The following AHRR variants were observed in gnomAD, a reference collection of about 807,000 sequenced individuals.
AHRR encodes the protein ahR repressor.
Under a neutral mutation model 44.0 loss-of-function variants are expected in AHRR, and 28 were observed. The observed-to-expected ratio is 0.64, with a 90% CI of 0.47 to 0.87. The LOEUF is 0.87. Ranked by LOEUF, AHRR falls within the 40% of genes least tolerant of loss-of-function variation. The pLI is 0.00. For missense variants in AHRR, 990 were observed against 953.9 expected, an observed-to-expected ratio of 1.04 and a Z score of -0.50; for synonymous variants, 434 against 407.0, an observed-to-expected ratio of 1.07 and a Z score of -0.80.
At chr5:364,030 T>G (rs1319946006) in intron 3 of AHRR, among the ~76,000 whole-genome samples, 2 of 152,236 alleles carry the variant, frequency 1.3e-5, no homozygotes, top group Admixed American at 1.3e-4. Context: ...TAGAGTCTAG[T>G]GGGAGAATAT....
At chr5:364,588 C>T (rs1743291138) in intron 3 of AHRR, among the ~76,000 whole-genome samples, 1 of 151,046 alleles carries the variant, frequency 6.6e-6, no homozygotes, top group African/African-American at 2.4e-5. Context: ...AAAATATAAT[C>T]AATCAAAAGG....
chr5:363,020 C>T (rs1743233408), intron 3 of AHRR, among the ~76,000 whole-genome samples: 2 of 152,258 alleles, frequency 1.3e-5, no homozygotes, highest in African/African-American at 4.8e-5. Flanking sequence ...TGTGGCCCCA[C>T]ACAGGCTGGG....
intron 4 of AHRR, among the ~76,000 whole-genome samples, chr5:386,554 G>T (rs543933519): frequency 6.6e-6 from 1 of 152,226 alleles, no homozygotes; most frequent in African/African-American, 2.4e-5. Flanking sequence ...GGTGTGGAGC[G>T]CAGGCAGCCT....
intron 8 of AHRR, 53 bp from the exon 9 acceptor site, chr5:432,410 A>AT: frequency 6.4e-7 from 1 of 1,551,960 alleles, no homozygotes; most frequent in Non-Finnish European, 8.9e-7. Context: ...TTTCATCCAC[A>AT]TGTCATCTTG....
intron 4 of AHRR, among the ~76,000 whole-genome samples, chr5:393,496 C>G (rs1000244280): frequency 1.2e-4 from 19 of 152,232 alleles, no homozygotes; most frequent in African/African-American, 4.3e-4. Flanking sequence ...CCAGGCTGCA[C>G]GCAGAGCTCC....
rs1197629651 is a variant in AHRR at position 438,057 on chromosome 5, G to T, written c.*3223G>T. The T allele has an allele frequency of 6.6e-6, 1 of 152,320 alleles. No homozygotes were observed. The highest frequency in any genetic ancestry group is 2.4e-5 in the African/African-American group (1 of 41,430). 9.4% of individuals were successfully genotyped at this position (152,320 alleles called of 1,614,324 possible). On this transcript the variant is annotated 3_prime_UTR_variant, in exon 11 of 11. Coordinates refer to ENST00000684583, the MANE Select transcript of AHRR (RefSeq NM_001377236.1). ...TATAAGGTGGGAATGGGATGGAAGG[G>T]AGGAGATCAATACAACTTATATTTT...
chr5:348,448 G>A (rs1401976629), intron 2 of AHRR, among the ~76,000 whole-genome samples: 4 of 151,832 alleles, frequency 2.6e-5, no homozygotes, highest in East Asian at 1.9e-4. Flanking sequence ...GTGTACATCC[G>A]TGAAGCTATC....
intron 3 of AHRR, among the ~76,000 whole-genome samples, chr5:361,724 G>A (rs532726135): frequency 6.6e-6 from 1 of 152,330 alleles, no homozygotes; most frequent in Admixed American, 6.5e-5. Flanking sequence ...GCAATGGGGA[G>A]TTCCATCCCA....
intron 5 of AHRR, chr5:422,491 G>C (rs146285993): frequency 9.2e-6 from 5 of 546,104 alleles, no homozygotes; most frequent in African/African-American, 7.6e-5. Context: ...CCGAAAGGCT[G>C]GATGTGGGCA....
chr5:328,660 T>C (rs1170683646), intron 1 of AHRR, among the ~76,000 whole-genome samples: 1 of 152,208 alleles, frequency 6.6e-6, no homozygotes, highest in African/African-American at 2.4e-5. Context: ...ATATACCTGT[T>C]GGCCATTTGT....
At chr5:353,629 T>G in intron 2 of AHRR, 101 bp from the exon 3 acceptor site, 1 of 1,107,582 alleles carries the variant, frequency 9.0e-7, no homozygotes, top group Non-Finnish European at 1.3e-6. Context: ...GGCAGCAGCG[T>G]AGATGCTCCT....
At chr5:362,859 C>T (rs1366220517) in intron 3 of AHRR, among the ~76,000 whole-genome samples, 1 of 152,234 alleles carries the variant, frequency 6.6e-6, no homozygotes, top group Non-Finnish European at 1.5e-5. Flanking sequence ...AGGAAGCTGA[C>T]CAAGGGTTGA....
At chr5:424,100 C>G in intron 7 of AHRR, 123 bp downstream of exon 7, 2 of 1,308,044 alleles carry the variant, frequency 1.5e-6, no homozygotes, top group South Asian at 1.5e-5. Flanking sequence ...GGTGGAGGGA[C>G]GGGGGCCGGT....
At chr5:348,102 G>A (rs1445174874) in intron 2 of AHRR, among the ~76,000 whole-genome samples, 2 of 152,234 alleles carry the variant, frequency 1.3e-5, no homozygotes, top group Admixed American at 6.5e-5. Context: ...GAAGCCGGGC[G>A]GCCGGCTGGG....
In AHRR at chr5:342,963, A is replaced by C. The variant is rs1404058077; in HGVS notation, c.-10-930A>C. ...TCAGGGCGCTGTGAGCTAGTGACTT[A>C]AGTGGAATCCCAGGACTGTAGAGTG... On this transcript the variant is annotated intron_variant, in intron 1 of 10. Coordinates refer to ENST00000684583, the MANE Select transcript of AHRR (RefSeq NM_001377236.1). This position sits in a 1 kb window ranked among gnomAD's most constrained non-coding sequence, Gnocchi z 4.3. Among the ~76,000 whole-genome samples the C allele has an allele frequency of 6.6e-6, 1 of 152,186 alleles. No homozygotes were observed. Among genetic ancestry groups the C allele is most frequent in the Non-Finnish European group, 1.5e-5 (1 of 68,032 alleles).
intron 1 of AHRR, among the ~76,000 whole-genome samples, chr5:322,836 G>A (rs953467892): frequency 2.0e-5 from 3 of 152,232 alleles, no homozygotes. Flanking sequence ...GGACGCCGCC[G>A]CCTGGGGAGC....
In AHRR at chr5:434,267, C is replaced by G; in HGVS notation, c.1527C>G (p.Asp509Glu). The change falls in exon 11 of 11, where the codon GAC becomes GAG. Residue 509 changes from aspartate (D) to glutamate (E), a missense_variant. Physicochemically the swap from Asp to Glu is conservative, Grantham distance 45. Coordinates refer to ENST00000684583, the MANE Select transcript of AHRR (RefSeq NM_001377236.1). ...RFATRGYPME[D>E]MKLQGVPMPP... Reference sequence around the variant, plus strand: ...CCACGAGGGGCTATCCCATGGAGGACATGAAGCTGCAAGGTGTACCGATGC... The same window carrying G: ...CCACGAGGGGCTATCCCATGGAGGAGATGAAGCTGCAAGGTGTACCGATGC... The G allele has an allele frequency of 6.2e-7, 1 of 1,603,554 alleles. No individual in the cohort carries two copies. The highest frequency in any genetic ancestry group is 8.5e-7 in the Non-Finnish European group (1 of 1,174,816).
intron 1 of AHRR, among the ~76,000 whole-genome samples, chr5:339,626 G>A (rs1352909055): frequency 6.6e-6 from 1 of 151,982 alleles, no homozygotes; most frequent in Non-Finnish European, 1.5e-5. Context: ...GGTCTTGGGG[G>A]GAAGCATTTA....
At chr5:398,943 C>T (rs1296778951) in intron 4 of AHRR, among the ~76,000 whole-genome samples, 1 of 152,244 alleles carries the variant, frequency 6.6e-6, no homozygotes, top group East Asian at 1.9e-4. Flanking sequence ...ATGCCCAGCA[C>T]CACCGTGGCG....
Sources: allele counts gnomAD v4.1 joint callset (sites outside exome capture counted in the v4.1 genomes callset), GRCh38; gene constraint gnomAD v4.1.1; non-coding constraint Gnocchi (gnomAD v3.1); transcripts MANE v1.5; gene names NCBI Gene and HGNC (gene_info 2026-07-23, HGNC 2026-07-21).